Variants in MUC22 observed in about 807,000 individuals in gnomAD.
The protein encoded by MUC22 is mucin-22.
Under a neutral mutation model 40.3 loss-of-function variants are expected in MUC22, and 24 were observed. That is an observed-to-expected ratio of 0.60 (90% CI 0.43 to 0.84). MUC22 has a LOEUF of 0.84. Among genes scored for constraint, MUC22 ranks in the 40% least tolerant of loss-of-function variants. The pLI is 0.00. For synonymous variants in MUC22, 765 were observed against 844.5 expected (o/e 0.91, Z 1.63); for missense variants, 1,926 against 2,130.7 (o/e 0.90, Z 1.89).
chr6:31,022,986 T>C (rs573744686), intron 1 of MUC22, among the ~76,000 whole-genome samples: 2 of 151,768 alleles, frequency 1.3e-5, no homozygotes, highest in South Asian at 4.2e-4. Flanking sequence ...AAAAATTAGC[T>C]GGGCGTGGTG....
At chr6:31,026,471 C>A in exon 2 of MUC22, 1 of 1,507,876 alleles carries the variant, frequency 6.6e-7, no homozygotes, top group South Asian at 1.2e-5. Context: ...GGCTCTGAGA[C>A]CACCGTCTCC....
rs1304510813 is a variant in MUC22 at position 31,025,418 on chromosome 6, G to T, written c.71-84G>T. 4.5e-6 allele frequency: 6 copies of T among 1,346,854 alleles called. No homozygotes were observed. The Admixed American group carries it at 8.7e-5, about 19-fold the overall frequency. 83.4% of individuals were successfully genotyped at this position (1,346,854 alleles called of 1,614,324 possible). On this transcript the variant is annotated intron_variant, in intron 1 of 3. Coordinates refer to ENST00000561890, the Ensembl canonical transcript of MUC22. Reference sequence around the variant, plus strand: ...AATAAATAAATGAATAAGAAGTACTGAGTATATGTGAAAGTAACACTATAC... The same window carrying T: ...AATAAATAAATGAATAAGAAGTACTTAGTATATGTGAAAGTAACACTATAC...
At chr6:31,010,757 C>T (rs1763809343) in exon 1 of MUC22, 2 of 702,560 alleles carry the variant, frequency 2.8e-6, no homozygotes, top group African/African-American at 3.5e-5. Flanking sequence ...GGCTGCTTCT[C>T]TTTGGACTTC....
chr6:31,013,129 C>CT (rs28381569), intron 1 of MUC22, among the ~76,000 whole-genome samples: 15,859 of 121,322 alleles, frequency 0.13, 1,711 homozygotes, highest in African/African-American at 0.19. Context: ...CACCCCCATT[C>CT]TTTTTTTTTT....
chr6:31,017,849 G>C (rs1357780506), intron 1 of MUC22, among the ~76,000 whole-genome samples: 1 of 152,222 alleles, frequency 6.6e-6, no homozygotes, highest in African/African-American at 2.4e-5. Context: ...ATCCGCTTGG[G>C]TACTCTTCTA....
upstream of MUC22, among the ~76,000 whole-genome samples, chr6:31,009,619 T>G (rs2150736879): frequency 6.6e-6 from 1 of 152,218 alleles, no homozygotes; most frequent in East Asian, 1.9e-4. Context: ...CACCAATATT[T>G]GGCAAGCTTA....
intron 1 of MUC22, among the ~76,000 whole-genome samples, chr6:31,020,754 C>T (rs1764634716): frequency 6.6e-6 from 1 of 152,168 alleles, no homozygotes; most frequent in African/African-American, 2.4e-5. Context: ...GGACTGTGCG[C>T]GGCGCTTGCG....
At chr6:31,030,924 C>T (rs62401671) in intron 2 of MUC22, among the ~76,000 whole-genome samples, 1 of 151,988 alleles carries the variant, frequency 6.6e-6, no homozygotes, top group Non-Finnish European at 1.5e-5. Flanking sequence ...TCTGCTTTTC[C>T]GTGTATTTGC....
upstream of MUC22, among the ~76,000 whole-genome samples, chr6:31,010,301 T>C (rs1191511099): frequency 2.0e-5 from 3 of 152,084 alleles, no homozygotes; most frequent in African/African-American, 7.2e-5. Flanking sequence ...GTGCGCCCTC[T>C]GGTCTTGCCG....
At chr6:31,019,184 C>T (rs1344786899) in intron 1 of MUC22, among the ~76,000 whole-genome samples, 1 of 148,002 alleles carries the variant, frequency 6.8e-6, no homozygotes, top group Non-Finnish European at 1.5e-5. Context: ...GAACTAATTT[C>T]CAACTCTGCG....
exon 4 of MUC22, chr6:31,035,355 A>T (rs943514990): frequency 5.2e-6 from 1 of 192,382 alleles, no homozygotes; most frequent in African/African-American, 2.3e-5. Flanking sequence ...TATTACCAAG[A>T]CATGTCTAAG....
intron 2 of MUC22, 25 bp downstream of exon 2, chr6:31,030,125 A>G: frequency 6.7e-7 from 1 of 1,487,286 alleles, no homozygotes; most frequent in South Asian, 1.3e-5. Flanking sequence ...GTCTTCTTTG[A>G]GCCCACACAT....
exon 4 of MUC22, chr6:31,034,719 T>TGGCCAC: frequency 6.5e-7 from 1 of 1,535,716 alleles, no homozygotes. Flanking sequence ...ATTACCCCCA[T>TGGCCAC]GGCCACAGCC....
chr6:31,010,696 A>G, exon 1 of MUC22: 1 of 702,564 alleles, frequency 1.4e-6, no homozygotes, highest in Non-Finnish European at 2.6e-6. Flanking sequence ...TTCTATGTGC[A>G]TCATTTAGAG....
intron 3 of MUC22, among the ~76,000 whole-genome samples, chr6:31,034,428 C>T (rs74696611): frequency 3.3e-5 from 5 of 152,010 alleles, no homozygotes; most frequent in South Asian, 2.1e-4. Flanking sequence ...GGCCTGAGTA[C>T]GCACATAAAG....
chr6:31,014,916 C>G (rs1764086809), intron 1 of MUC22, among the ~76,000 whole-genome samples: 1 of 152,118 alleles, frequency 6.6e-6, no homozygotes, highest in Non-Finnish European at 1.5e-5. Context: ...AGGCATGGCA[C>G]TGCCATGCGG....
exon 2 of MUC22, chr6:31,025,526 C>T (rs1270298357): frequency 1.3e-6 from 2 of 1,510,158 alleles, no homozygotes; most frequent in Non-Finnish European, 1.8e-6. Flanking sequence ...ACAGCCTTCA[C>T]AAAAGGCTCC....
upstream of MUC22, among the ~76,000 whole-genome samples, chr6:31,008,715 ATTTATT>A (rs1292561979): frequency 6.6e-6 from 1 of 151,580 alleles, no homozygotes; most frequent in Non-Finnish European, 1.5e-5. Context: ...CGCCCAGCTA[ATTTATT>A]TTTATTTTTA....
chr6:31,027,596 G>A (rs1765536808), exon 2 of MUC22: 6 of 1,526,460 alleles, frequency 3.9e-6, no homozygotes, highest in Non-Finnish European at 4.4e-6. Flanking sequence ...ACTACCGCAG[G>A]CTCTGAGACC....
Sources: allele counts gnomAD v4.1 joint callset (sites outside exome capture counted in the v4.1 genomes callset), GRCh38; gene constraint gnomAD v4.1.1; transcripts MANE v1.5; gene names NCBI Gene and HGNC (gene_info 2026-07-23, HGNC 2026-07-21).